The following PGCKA1 variants were observed in gnomAD, a reference collection of about 807,000 sequenced individuals.
PGCKA1 encodes the protein PDCD10 and GCKIII kinases associated 1, also known as PDCD10 and GCKIII kinases-associated protein 1.
chr4:37,491,296 G>A, the PGCKA1 span, among the ~76,000 whole-genome samples: 38 of 152,228 alleles, frequency 2.5e-4, no homozygotes, highest in Middle Eastern at 3.4e-3. Flanking sequence ...CACACCACAG[G>A]CAGTTAATTC....
the PGCKA1 span, among the ~76,000 whole-genome samples, chr4:37,512,696 C>T: frequency 6.6e-6 from 1 of 151,944 alleles, no homozygotes; most frequent in Non-Finnish European, 1.5e-5. Context: ...CCTCATGATC[C>T]ACCCGCCTCG....
chr4:37,571,095 G>A, the PGCKA1 span, among the ~76,000 whole-genome samples: 5 of 152,184 alleles, frequency 3.3e-5, no homozygotes, highest in Non-Finnish European at 7.3e-5. Context: ...CAAGCTAGAT[G>A]CTGGTTGGAT....
the PGCKA1 span, among the ~76,000 whole-genome samples, chr4:37,470,145 C>G: frequency 1.3e-3 from 191 of 152,224 alleles, 1 homozygote; most frequent in African/African-American, 4.3e-3. Context: ...TACCGGGGAA[C>G]TTGTTTATGT....
At chr4:37,533,585 G>T in the PGCKA1 span, among the ~76,000 whole-genome samples, 10 of 152,134 alleles carry the variant, frequency 6.6e-5, no homozygotes, top group Non-Finnish European at 1.5e-4. Context: ...TCCAAGAACA[G>T]CCCTCCTTCC....
chr4:37,478,584 T>C, the PGCKA1 span, among the ~76,000 whole-genome samples: 19 of 152,200 alleles, frequency 1.2e-4, no homozygotes, highest in Admixed American at 1.2e-3. Flanking sequence ...ATAAAGAGAC[T>C]CTTTACGCTT....
chr4:37,463,532 C>A, the PGCKA1 span, among the ~76,000 whole-genome samples: 1 of 152,156 alleles, frequency 6.6e-6, no homozygotes, highest in Non-Finnish European at 1.5e-5. Context: ...CAGGCAGAGG[C>A]CCCACCAAGC....
the PGCKA1 span, among the ~76,000 whole-genome samples, chr4:37,526,930 T>A: frequency 6.6e-6 from 1 of 152,186 alleles, no homozygotes; most frequent in African/African-American, 2.4e-5. Context: ...GAAGAAGACA[T>A]TGTTATCATA....
the PGCKA1 span, among the ~76,000 whole-genome samples, chr4:37,485,510 G>T: frequency 0.059 from 9,045 of 152,092 alleles, 946 homozygotes; most frequent in African/African-American, 0.21. Flanking sequence ...TCAGATGGGG[G>T]CCCCTTGACC....
At chr4:37,527,037 G>A in the PGCKA1 span, among the ~76,000 whole-genome samples, 5 of 152,148 alleles carry the variant, frequency 3.3e-5, no homozygotes, top group Middle Eastern at 3.4e-3. Flanking sequence ...CTGGCCGTGC[G>A]TAGGCCTAAG....
the PGCKA1 span, among the ~76,000 whole-genome samples, chr4:37,582,092 C>T: frequency 6.6e-6 from 1 of 152,144 alleles, no homozygotes; most frequent in African/African-American, 2.4e-5. Context: ...TCTCCCTCCC[C>T]CAAACACACA....
chr4:37,479,677 T>C, the PGCKA1 span, among the ~76,000 whole-genome samples: 1 of 152,138 alleles, frequency 6.6e-6, no homozygotes, highest in African/African-American at 2.4e-5. Flanking sequence ...CAGTGTGAGG[T>C]TGATTACAAG....
the PGCKA1 span, among the ~76,000 whole-genome samples, chr4:37,555,360 G>C: frequency 6.6e-6 from 1 of 152,178 alleles, no homozygotes; most frequent in Non-Finnish European, 1.5e-5. Context: ...ACAAAAACAA[G>C]AATTATGTGA....
the PGCKA1 span, among the ~76,000 whole-genome samples, chr4:37,478,193 C>A: frequency 6.6e-6 from 1 of 150,700 alleles, no homozygotes; most frequent in African/African-American, 2.5e-5. Flanking sequence ...TCTCCCCTAC[C>A]CTGCCCCACA....
the PGCKA1 span, chr4:37,591,004 A>C: frequency 6.3e-7 from 1 of 1,599,370 alleles, no homozygotes; most frequent in Non-Finnish European, 8.5e-7. Flanking sequence ...TGATTAGGGG[A>C]GGGGATTTGC....
At chr4:37,469,074 A>G in the PGCKA1 span, among the ~76,000 whole-genome samples, 1 of 152,132 alleles carries the variant, frequency 6.6e-6, no homozygotes, top group Non-Finnish European at 1.5e-5. Context: ...TATGTTTACA[A>G]TTGCCTACAG....
the PGCKA1 span, chr4:37,590,509 T>C: frequency 6.2e-7 from 1 of 1,614,094 alleles, no homozygotes; most frequent in South Asian, 1.1e-5. Context: ...GCTGCTGGCC[T>C]CAGAAGGGAC....
At chr4:37,512,644 C>T in the PGCKA1 span, among the ~76,000 whole-genome samples, 1 of 151,780 alleles carries the variant, frequency 6.6e-6, no homozygotes, top group Non-Finnish European at 1.5e-5. Flanking sequence ...TTAGTAGAGA[C>T]GGGGTTTCTC....
At chr4:37,583,798 A>T in the PGCKA1 span, among the ~76,000 whole-genome samples, 1 of 152,156 alleles carries the variant, frequency 6.6e-6, no homozygotes, top group African/African-American at 2.4e-5. Flanking sequence ...CCCTGTGTAA[A>T]CTAAGAAGTG....
chr4:37,548,701 T>C, the PGCKA1 span, among the ~76,000 whole-genome samples: 2 of 152,190 alleles, frequency 1.3e-5, no homozygotes, highest in African/African-American at 4.8e-5. Flanking sequence ...CAAGAAACAT[T>C]ATTAAACATA....
Sources: gnomAD v4.1 joint callset for allele counts (sites outside exome capture counted in the v4.1 genomes callset) on GRCh38, gnomAD v4.1.1 for gene constraint, MANE v1.5 for transcripts, NCBI Gene and HGNC (gene_info 2026-07-23, HGNC 2026-07-21) for gene names.